MAP2: variants seen among roughly 807,000 people sequenced by gnomAD.
The protein encoded by MAP2 is microtubule associated protein 2.
MAP2 carries 14 observed loss-of-function variants against 137.6 expected under a neutral mutation model. That is an observed-to-expected ratio of 0.10 (90% confidence interval 0.07 to 0.16). The LOEUF (loss-of-function observed/expected upper bound fraction) is 0.16, where lower values mean the gene tolerates loss of function less well. MAP2 is among the 10% of genes least tolerant of loss of function. MAP2 has a pLI of 1.00. For synonymous variants in MAP2, 786 were observed against 782.3 expected (o/e 1.00, Z -0.08); for missense variants, 2,088 against 2,191.5 (o/e 0.95, Z 0.94).
chr2:209,499,082 T>C (rs2060083473), intron 1 of MAP2, among the ~76,000 whole-genome samples: 1 of 152,208 alleles, frequency 6.6e-6, no homozygotes, highest in Admixed American at 6.5e-5. Flanking sequence ...GCTTCCCTTT[T>C]AAATATAAAT....
chr2:209,545,002 A>G (rs185238300), intron 2 of MAP2, among the ~76,000 whole-genome samples: 1 of 152,356 alleles, frequency 6.6e-6, no homozygotes, highest in Non-Finnish European at 1.5e-5. Flanking sequence ...GAAGAGATTC[A>G]GATAAAATGG....
At position 209,454,019 on chromosome 2, in the gene MAP2, C is replaced by T. The variant is rs371166291; in HGVS notation, c.-222+29743C>T. On this transcript the variant is annotated intron_variant, in intron 1 of 15. Coordinates refer to ENST00000682079, the MANE Select transcript of MAP2 (RefSeq NM_001375505.1). Reference sequence around the variant, plus strand: ...ACAAAAAATTAGCCAGGCGTGGTGGCGGGCGCCTGTAGTCCCAGCTACTCC... The same window carrying T: ...ACAAAAAATTAGCCAGGCGTGGTGGTGGGCGCCTGTAGTCCCAGCTACTCC... Among the ~76,000 whole-genome samples, 21 of 151,596 alleles carry T rather than the reference C, an allele frequency of 1.4e-4. 1 individual carries two copies. The highest frequency in any genetic ancestry group is 8.3e-4 in the South Asian group (4 of 4,792).
At chr2:209,706,732 G>A (rs1189715996) in intron 12 of MAP2, among the ~76,000 whole-genome samples, 1 of 151,996 alleles carries the variant, frequency 6.6e-6, no homozygotes, top group African/African-American at 2.4e-5. Flanking sequence ...TTAAAATGGT[G>A]GAAATTGCTA....
At chr2:209,514,026 T>C (rs1293400151) in intron 2 of MAP2, among the ~76,000 whole-genome samples, 1 of 152,172 alleles carries the variant, frequency 6.6e-6, no homozygotes, top group Non-Finnish European at 1.5e-5. Context: ...TCCTAAGGAT[T>C]AAATGGTCTT....
At chr2:209,660,359 A>G (rs890442956) in intron 5 of MAP2, among the ~76,000 whole-genome samples, 1 of 148,770 alleles carries the variant, frequency 6.7e-6, no homozygotes, top group African/African-American at 2.5e-5. Flanking sequence ...ACCAACACTC[A>G]GTTATATACA....
At chr2:209,428,001 CCT>C (rs1284279405) in intron 1 of MAP2, among the ~76,000 whole-genome samples, 1 of 152,088 alleles carries the variant, frequency 6.6e-6, no homozygotes, top group Non-Finnish European at 1.5e-5. Flanking sequence ...CCATCCCTCC[CCT>C]GTCATGTCTT....
At chr2:209,608,490 T>C (rs2085591273) in intron 3 of MAP2, among the ~76,000 whole-genome samples, 1 of 152,134 alleles carries the variant, frequency 6.6e-6, no homozygotes, top group African/African-American at 2.4e-5. Context: ...TCTCGCTATG[T>C]TGTCCAGGCT....
intron 1 of MAP2, among the ~76,000 whole-genome samples, chr2:209,462,706 G>A (rs886584915): frequency 5.9e-5 from 9 of 152,200 alleles, no homozygotes; most frequent in Middle Eastern, 3.4e-3. Context: ...AATCTAATTA[G>A]CTATTAAACT....
chr2:209,576,209 AG>A (rs1436770499), intron 2 of MAP2, among the ~76,000 whole-genome samples: 1 of 152,114 alleles, frequency 6.6e-6, no homozygotes, highest in African/African-American at 2.4e-5. Flanking sequence ...AAGTGAGAAA[AG>A]GAAGTGTGAA....
At chr2:209,507,890 C>T (rs1349768852) in intron 2 of MAP2, among the ~76,000 whole-genome samples, 1 of 151,682 alleles carries the variant, frequency 6.6e-6, no homozygotes, top group African/African-American at 2.4e-5. Flanking sequence ...ACCTGAGTTT[C>T]GAATAATGAA....
intron 2 of MAP2, among the ~76,000 whole-genome samples, chr2:209,531,762 T>A (rs1434309434): frequency 6.6e-6 from 1 of 152,212 alleles, no homozygotes; most frequent in Admixed American, 6.5e-5. Flanking sequence ...AATGTGAAAT[T>A]TAAGTGAGCT....
intron 3 of MAP2, among the ~76,000 whole-genome samples, chr2:209,593,099 C>G (rs987462547): frequency 6.6e-6 from 1 of 151,772 alleles, no homozygotes; most frequent in Non-Finnish European, 1.5e-5. Flanking sequence ...ATATTAATTT[C>G]CAAGAATTCT....
intron 2 of MAP2, chr2:209,579,444 T>G (rs547122333): frequency 6.6e-6 from 1 of 152,286 alleles, no homozygotes; most frequent in South Asian, 2.1e-4. Context: ...AAATCGTAAG[T>G]GAGGGCTGCA....
rs190436717 is a variant in MAP2 at position 209,528,840 on chromosome 2, A to G, written c.-172+21199A>G. Among the ~76,000 whole-genome samples the G allele has an allele frequency of 6.5e-3, 979 of 150,422 alleles. 9 individuals carry two copies. The highest frequency in any genetic ancestry group is 0.022 in the African/African-American group (887 of 40,922). On this transcript the variant is annotated intron_variant, in intron 2 of 15. Transcript: ENST00000682079. ...TATATGTATATGTACATATGTATGTATATATATGTGTGTGTGTATATGTGT... is the reference window on the plus strand; with the variant it reads ...TATATGTATATGTACATATGTATGTGTATATATGTGTGTGTGTATATGTGT...
At chr2:209,646,782 TTTG>T (rs564612081) in intron 4 of MAP2, among the ~76,000 whole-genome samples, 11 of 152,066 alleles carry the variant, frequency 7.2e-5, no homozygotes, top group South Asian at 2.1e-4. Context: ...TCTTCATTCT[TTTG>T]TTGTTGTTGT....
intron 4 of MAP2, among the ~76,000 whole-genome samples, chr2:209,625,360 C>T (rs556137953): frequency 9.2e-5 from 14 of 152,262 alleles, no homozygotes; most frequent in Admixed American, 2.6e-4. Context: ...ATGACAAGCT[C>T]TTTCTCTTAA....
chr2:209,503,585 C>T (rs568578345), intron 1 of MAP2, among the ~76,000 whole-genome samples: 61 of 152,116 alleles, frequency 4.0e-4, no homozygotes, highest in African/African-American at 1.4e-3. Context: ...GATTTTTGTG[C>T]ATGATGTAAG....
chr2:209,453,330 C>T (rs548048810), intron 1 of MAP2, among the ~76,000 whole-genome samples: 32 of 152,134 alleles, frequency 2.1e-4, no homozygotes, highest in South Asian at 4.1e-4. Flanking sequence ...ATGATAGTAA[C>T]GGTTTGGCAT....
intron 1 of MAP2, among the ~76,000 whole-genome samples, chr2:209,434,863 T>TTATATATATATGTTATATATATATGTTA (rs58339476): frequency 1.0e-5 from 1 of 96,554 alleles, no homozygotes; most frequent in Non-Finnish European, 2.3e-5. Context: ...TATATATATG[T>TTATATATATATGTTATATATATATGTTA]TATATATATG....
Sources: allele counts gnomAD v4.1 joint callset (sites outside exome capture counted in the v4.1 genomes callset), GRCh38; gene constraint gnomAD v4.1.1; transcripts MANE v1.5; gene names NCBI Gene and HGNC (gene_info 2026-07-23, HGNC 2026-07-21).